TMEM232: variants seen among roughly 807,000 people sequenced by gnomAD.
The protein encoded by TMEM232 is transmembrane protein 232.
In TMEM232, 80 loss-of-function variants were observed where a neutral mutation model predicts 78.8. That is an observed-to-expected ratio of 1.01 (90% CI 0.85 to 1.22). TMEM232 has a LOEUF of 1.22. Ranked by LOEUF, TMEM232 falls within the 50% of genes most tolerant of loss-of-function variation. The pLI, the probability that TMEM232 is intolerant of heterozygous loss-of-function variation, is 0.00. For missense variants in TMEM232, 881 were observed against 742.2 expected (o/e 1.19, Z -2.17); for synonymous variants, 297 against 254.3 (o/e 1.17, Z -1.60).
chr5:110,640,475 T>TAATG (rs1786522170), intron 4 of TMEM232, among the ~76,000 whole-genome samples: 1 of 152,052 alleles, frequency 6.6e-6, no homozygotes, highest in Admixed American at 6.6e-5. Context: ...AATGAAAAGG[T>TAATG]AATGAGTAAA....
At chr5:110,441,484 G>A (rs574723382) in intron 12 of TMEM232, among the ~76,000 whole-genome samples, 2 of 152,088 alleles carry the variant, frequency 1.3e-5, no homozygotes, top group African/African-American at 4.8e-5. Flanking sequence ...TTCCATGATG[G>A]CACCAATAAT....
chr5:110,504,582 T>C (rs1197712768), intron 12 of TMEM232, among the ~76,000 whole-genome samples: 1 of 152,208 alleles, frequency 6.6e-6, no homozygotes, highest in Non-Finnish European at 1.5e-5. Flanking sequence ...TGCCAATGTA[T>C]AGTTCCAGTC....
chr5:110,735,946 T>C (rs1431078093), intron 1 of TMEM232, among the ~76,000 whole-genome samples: 2 of 152,172 alleles, frequency 1.3e-5, no homozygotes, highest in East Asian at 3.9e-4. Flanking sequence ...AACTAGAACC[T>C]CATGGGAAAC....
chr5:110,623,424 A>G (rs946867715), intron 7 of TMEM232, among the ~76,000 whole-genome samples: 1 of 152,222 alleles, frequency 6.6e-6, no homozygotes, highest in African/African-American at 2.4e-5. Context: ...GATAAGGGCT[A>G]CAGGAATAAA....
chr5:110,564,564 C>T lies in TMEM232; in HGVS notation c.1455+3883G>A, dbSNP rs533606717. Among the ~76,000 whole-genome samples the T allele has an allele frequency of 1.1e-4, 17 of 151,990 alleles. No homozygotes were observed. In the East Asian group the frequency reaches 3.3e-3, roughly 29 times the overall value. On this transcript the variant is annotated intron_variant, in intron 11 of 13. Transcript: ENST00000455884. ...AAAGTAAGATAGACCAATAATTTGC[C>T]ATCCAAATTGAGGAACTTTTGAAAG...
chr5:110,611,113 G>C (rs971062783), intron 8 of TMEM232, among the ~76,000 whole-genome samples: 7 of 152,038 alleles, frequency 4.6e-5, no homozygotes, highest in Non-Finnish European at 1.0e-4. Flanking sequence ...TATTTAAGGA[G>C]AAGACAGAAC....
intron 10 of TMEM232, among the ~76,000 whole-genome samples, chr5:110,600,113 G>T (rs534513475): frequency 6.6e-6 from 1 of 152,034 alleles, no homozygotes; most frequent in Non-Finnish European, 1.5e-5. Context: ...TTTGAAACCA[G>T]TGACAACAAA....
At chr5:110,681,583 C>CAGATATTTGATAGATA (rs1792755163) in intron 1 of TMEM232, among the ~76,000 whole-genome samples, 1 of 151,710 alleles carries the variant, frequency 6.6e-6, no homozygotes, top group Non-Finnish European at 1.5e-5. Context: ...TATCTTCATC[C>CAGATATTTGATAGATA]GAAAAAAGGG....
At chr5:110,661,556 C>A (rs549247928) in intron 2 of TMEM232, among the ~76,000 whole-genome samples, 1 of 152,266 alleles carries the variant, frequency 6.6e-6, no homozygotes, top group East Asian at 1.9e-4. Flanking sequence ...AAGCAATCCA[C>A]TCAACTGGGC....
intron 1 of TMEM232, among the ~76,000 whole-genome samples, chr5:110,679,639 C>A (rs1468352764): frequency 2.0e-5 from 3 of 152,076 alleles, no homozygotes; most frequent in Non-Finnish European, 2.9e-5. Context: ...AGATTTTTAA[C>A]ATATGAAATT....
At chr5:110,665,126 C>A (rs1361639848) in intron 2 of TMEM232, among the ~76,000 whole-genome samples, 1 of 151,990 alleles carries the variant, frequency 6.6e-6, no homozygotes, top group Admixed American at 6.6e-5. Flanking sequence ...GTATGTATAC[C>A]ATTATATTTT....
chr5:110,680,321 C>T (rs141531345), intron 1 of TMEM232, among the ~76,000 whole-genome samples: 32 of 142,260 alleles, frequency 2.2e-4, no homozygotes, highest in African/African-American at 6.5e-4. Flanking sequence ...CACTTGAACC[C>T]GGGAGGTGGA....
chr5:110,688,749 C>A (rs1203095779), intron 1 of TMEM232, among the ~76,000 whole-genome samples: 1 of 152,152 alleles, frequency 6.6e-6, no homozygotes, highest in Non-Finnish European at 1.5e-5. Context: ...GAAAAGTCAA[C>A]CTGGGAACTG....
chr5:110,651,745 A>G (rs1196283872), intron 2 of TMEM232, among the ~76,000 whole-genome samples: 1 of 152,068 alleles, frequency 6.6e-6, no homozygotes, highest in East Asian at 1.9e-4. Flanking sequence ...CAGGAATTAG[A>G]GCATGTTGAC....
Position 110,700,400 on chromosome 5 carries a change from C to T in TMEM232, c.-13+26227G>A, listed in dbSNP as rs868653765. ...ATAAATTGGGATTGCGTACACACTT[C>T]GGAATTAGGGAAACTGATAAACTGA... On this transcript the variant is annotated intron_variant, in intron 1 of 13. Coordinates refer to ENST00000455884, the MANE Select transcript of TMEM232 (RefSeq NM_001039763.4). Among the ~76,000 whole-genome samples, 4 of 151,882 alleles carry T rather than the reference C, an allele frequency of 2.6e-5. No homozygotes were observed. In the South Asian group the frequency reaches 6.2e-4, roughly 24 times the overall value.
intron 4 of TMEM232, among the ~76,000 whole-genome samples, chr5:110,389,816 G>A (rs570515929): frequency 5.7e-4 from 87 of 152,298 alleles, no homozygotes; most frequent in Non-Finnish European, 9.8e-4. Context: ...GGCTGTCACT[G>A]CTCAGAGCTC....
Position 110,644,775 on chromosome 5 carries a change from AAAG to A in TMEM232, c.126-2407_126-2405del, listed in dbSNP as rs374259948. Reference sequence around the variant, plus strand: ...TAAATATAAGAAGTAGAAATAAATTAAAGAATAAAAAACTAAAAATCATCAAAA... The same window carrying A: ...TAAATATAAGAAGTAGAAATAAATTAAATAAAAAACTAAAAATCATCAAAA... On this transcript the variant is annotated intron_variant, in intron 2 of 13. Transcript: ENST00000455884. Among the ~76,000 whole-genome samples, 246 of 151,870 alleles carry A rather than the reference AAAG, an allele frequency of 1.6e-3. 7 individuals are homozygous for A. In the South Asian group the frequency reaches 0.05, roughly 31 times the overall value.
At chr5:110,631,643 A>G (rs568022312) in intron 5 of TMEM232, among the ~76,000 whole-genome samples, 7 of 152,290 alleles carry the variant, frequency 4.6e-5, no homozygotes, top group African/African-American at 1.7e-4. Context: ...AATGACTACC[A>G]TGATCAAGCT....
intron 3 of TMEM232, among the ~76,000 whole-genome samples, chr5:110,395,966 T>C (rs1415710417): frequency 1.3e-5 from 2 of 152,144 alleles, no homozygotes; most frequent in African/African-American, 2.4e-5. Flanking sequence ...TAATATAAGA[T>C]AGAAGGAGCC....
Sources: gnomAD v4.1 joint callset for allele counts (sites outside exome capture counted in the v4.1 genomes callset) on GRCh38, gnomAD v4.1.1 for gene constraint, MANE v1.5 for transcripts, NCBI Gene and HGNC (gene_info 2026-07-23, HGNC 2026-07-21) for gene names.